The following MAPKAP1 variants were observed in gnomAD, a reference collection of about 807,000 sequenced individuals.
MAPKAP1 encodes MAPK associated protein 1, also known as target of rapamycin complex 2 subunit MAPKAP1.
In MAPKAP1, 20 loss-of-function variants were observed where a neutral mutation model predicts 65.7. The observed-to-expected ratio is 0.30, with a 90% CI of 0.21 to 0.44. The LOEUF (loss-of-function observed/expected upper bound fraction) is 0.44, where lower values mean the gene tolerates loss of function less well. Among genes scored for constraint, MAPKAP1 ranks in the 20% least tolerant of loss-of-function variants. The pLI, the probability that MAPKAP1 is intolerant of heterozygous loss-of-function variation, is 1.00. For missense variants in MAPKAP1, 423 were observed against 648.0 expected (o/e 0.65, Z 3.77); for synonymous variants, 222 against 244.3 (o/e 0.91, Z 0.85).
At chr9:125,616,619 T>C (rs1294708314) in intron 4 of MAPKAP1, among the ~76,000 whole-genome samples, 1 of 152,038 alleles carries the variant, frequency 6.6e-6, no homozygotes, top group Non-Finnish European at 1.5e-5. Context: ...AATTATATTC[T>C]GAGAAATGCA....
intron 4 of MAPKAP1, among the ~76,000 whole-genome samples, chr9:125,649,945 C>T (rs970087494): frequency 6.6e-6 from 1 of 152,048 alleles, no homozygotes; most frequent in African/African-American, 2.4e-5. Context: ...TGGCCTCGTT[C>T]TTTGAGGGAG....
chr9:125,682,734 G>A (rs1262636445), intron 1 of MAPKAP1, among the ~76,000 whole-genome samples: 2 of 152,152 alleles, frequency 1.3e-5, no homozygotes, highest in Non-Finnish European at 2.9e-5. Context: ...AAAAGAACTA[G>A]ACTGTTTCTC....
chr9:125,634,021 C>G (rs1250468952), intron 4 of MAPKAP1, among the ~76,000 whole-genome samples: 1 of 152,208 alleles, frequency 6.6e-6, no homozygotes, highest in Non-Finnish European at 1.5e-5. Context: ...TTAATTTGTT[C>G]TCAGGCTAGC....
At chr9:125,624,658 G>A (rs1192322305) in intron 4 of MAPKAP1, among the ~76,000 whole-genome samples, 2 of 72,366 alleles carry the variant, frequency 2.8e-5, no homozygotes, top group Non-Finnish European at 5.9e-5. Context: ...CCGTCCGGGA[G>A]GTGAGGGGCG....
At chr9:125,641,731 T>C (rs907620194) in intron 4 of MAPKAP1, among the ~76,000 whole-genome samples, 1 of 151,942 alleles carries the variant, frequency 6.6e-6, no homozygotes, top group African/African-American at 2.4e-5. Flanking sequence ...ATAGTGAGGC[T>C]CTTGTCTCTA....
intron 5 of MAPKAP1, among the ~76,000 whole-genome samples, chr9:125,562,002 C>T (rs1830907845): frequency 6.6e-6 from 1 of 152,078 alleles, no homozygotes; most frequent in Non-Finnish European, 1.5e-5. Context: ...GTCACTGAGC[C>T]CCCAGGGTTT....
chr9:125,583,016 T>C (rs1401570717), intron 5 of MAPKAP1, among the ~76,000 whole-genome samples: 1 of 152,136 alleles, frequency 6.6e-6, no homozygotes, highest in Non-Finnish European at 1.5e-5. Context: ...CTAAGGACAG[T>C]AATACCCTAA....
chr9:125,577,531 G>C (rs1589304579), intron 5 of MAPKAP1, among the ~76,000 whole-genome samples: 1 of 141,758 alleles, frequency 7.1e-6, no homozygotes, highest in Non-Finnish European at 1.5e-5. Flanking sequence ...GAGCCCCTCT[G>C]CCTGGCCGGC....
intron 1 of MAPKAP1, among the ~76,000 whole-genome samples, chr9:125,687,376 T>C (rs536353656): frequency 6.6e-6 from 1 of 152,264 alleles, no homozygotes; most frequent in East Asian, 1.9e-4. Flanking sequence ...TTAAAGAGAC[T>C]AGCTATGGGA....
At chr9:125,689,738 C>CAAA (rs71374291) in intron 1 of MAPKAP1, among the ~76,000 whole-genome samples, 19,815 of 96,418 alleles carry the variant, frequency 0.21, 1,944 homozygotes, top group Non-Finnish European at 0.28. Context: ...GACTCCATCT[C>CAAA]AAAAAAAAAA....
At chr9:125,467,036 T>C (rs1056342728) in intron 10 of MAPKAP1, among the ~76,000 whole-genome samples, 1 of 152,220 alleles carries the variant, frequency 6.6e-6, no homozygotes, top group Non-Finnish European at 1.5e-5. Flanking sequence ...TTAGTGAATG[T>C]TGGACACGGG....
chr9:125,531,753 C>T (rs1393482338), intron 7 of MAPKAP1, among the ~76,000 whole-genome samples: 1 of 152,136 alleles, frequency 6.6e-6, no homozygotes, highest in African/African-American at 2.4e-5. Context: ...CTATAGTCAA[C>T]ATTTTACAAT....
At chr9:125,651,188 C>A (rs1276176826) in intron 4 of MAPKAP1, among the ~76,000 whole-genome samples, 1 of 152,192 alleles carries the variant, frequency 6.6e-6, no homozygotes, top group African/African-American at 2.4e-5. Context: ...TAAACTCCAT[C>A]TTCTTTTAGA....
chr9:125,654,620 T>A (rs603528), intron 4 of MAPKAP1, among the ~76,000 whole-genome samples: 136,487 of 152,150 alleles, frequency 0.9, 62,010 homozygotes, highest in East Asian at 1. Flanking sequence ...AGCCAACCAC[T>A]GTTTTAAAAA....
chr9:125,480,833 G>A (rs567988911), intron 9 of MAPKAP1, among the ~76,000 whole-genome samples: 119 of 151,882 alleles, frequency 7.8e-4, no homozygotes, highest in South Asian at 2.3e-3. Flanking sequence ...TTAGCCGGGC[G>A]TGGTGGCAGG....
intron 7 of MAPKAP1, among the ~76,000 whole-genome samples, chr9:125,523,836 T>G (rs534432196): frequency 8.5e-5 from 13 of 152,318 alleles, no homozygotes; most frequent in African/African-American, 3.1e-4. Context: ...TGCCAGGACC[T>G]GCAGTTCCCC....
chr9:125,564,346 T>A (rs1479020594), intron 5 of MAPKAP1, among the ~76,000 whole-genome samples: 1 of 152,252 alleles, frequency 6.6e-6, no homozygotes, highest in Non-Finnish European at 1.5e-5. Flanking sequence ...GGGTTAAGTT[T>A]ACACATACAT....
At position 125,672,595 on chromosome 9, in the gene MAPKAP1, C is replaced by T. The variant is rs769230595; in HGVS notation, c.-21G>A. 6 of 1,611,508 alleles carry T rather than the reference C, an allele frequency of 3.7e-6. No individual in the cohort carries two copies. The highest frequency in any genetic ancestry group is 1.7e-5 in the Admixed American group (1 of 59,936). Reference sequence around the variant, plus strand: ...GCCATCCTTTCTGTGGGCCAATTTCCTTAAAAGGCTATTTTCTCCTCTTCA... The same window carrying T: ...GCCATCCTTTCTGTGGGCCAATTTCTTTAAAAGGCTATTTTCTCCTCTTCA... On this transcript the variant is annotated 5_prime_UTR_variant, in exon 2 of 12. Transcript: ENST00000265960.
chr9:125,555,772 A>G (rs1177961516), intron 6 of MAPKAP1, among the ~76,000 whole-genome samples: 1 of 152,252 alleles, frequency 6.6e-6, no homozygotes, highest in Non-Finnish European at 1.5e-5. Flanking sequence ...ATGTGTGCTC[A>G]TAAGAGGACT....
Sources: allele counts gnomAD v4.1 joint callset (sites outside exome capture counted in the v4.1 genomes callset), GRCh38; gene constraint gnomAD v4.1.1; transcripts MANE v1.5; gene names NCBI Gene and HGNC (gene_info 2026-07-23, HGNC 2026-07-21).